Variants in REDIC1 observed in about 807,000 individuals in gnomAD.
REDIC1 encodes the protein regulator of DNA class I crossover intermediates 1.
At chr12:39,886,132 T>C in the REDIC1 span, among the ~76,000 whole-genome samples, 1 of 152,206 alleles carries the variant, frequency 6.6e-6, no homozygotes, top group South Asian at 2.1e-4. Flanking sequence ...AATTTTATTG[T>C]TCCTTTTCCA....
the REDIC1 span, among the ~76,000 whole-genome samples, chr12:39,807,393 C>T: frequency 6.6e-6 from 1 of 152,160 alleles, no homozygotes; most frequent in Non-Finnish European, 1.5e-5. Flanking sequence ...CAATATCAAT[C>T]TCCTGGGTGA....
chr12:39,907,031 A>C, the REDIC1 span, among the ~76,000 whole-genome samples: 1 of 152,170 alleles, frequency 6.6e-6, no homozygotes, highest in African/African-American at 2.4e-5. Flanking sequence ...TAGAAGATAC[A>C]ATGCAAATTA....
At chr12:39,896,384 GTATA>G in the REDIC1 span, among the ~76,000 whole-genome samples, 98 of 119,082 alleles carry the variant, frequency 8.2e-4, 1 homozygote, top group African/African-American at 3.8e-3. Context: ...ATATATGTAT[GTATA>G]TGTGTATATA....
chr12:39,904,129 A>G, the REDIC1 span, among the ~76,000 whole-genome samples: 1 of 152,272 alleles, frequency 6.6e-6, no homozygotes, highest in African/African-American at 2.4e-5. Context: ...CAAGCTTCCA[A>G]GGGTTTCTAC....
chr12:39,667,366 G>C, the REDIC1 span, among the ~76,000 whole-genome samples: 1 of 152,272 alleles, frequency 6.6e-6, no homozygotes, highest in Non-Finnish European at 1.5e-5. Flanking sequence ...TTTCCATGTA[G>C]TTTAGCGGTT....
the REDIC1 span, among the ~76,000 whole-genome samples, chr12:39,643,054 T>G: frequency 6.6e-6 from 1 of 151,788 alleles, no homozygotes; most frequent in East Asian, 1.9e-4. Flanking sequence ...TTCATAGCAT[T>G]ATATTATGAG....
At chr12:39,703,723 A>G in the REDIC1 span, among the ~76,000 whole-genome samples, 6 of 152,212 alleles carry the variant, frequency 3.9e-5, no homozygotes, top group African/African-American at 1.4e-4. Flanking sequence ...TACTGGTACC[A>G]AAAGAGAGAT....
chr12:39,738,633 A>G, the REDIC1 span, among the ~76,000 whole-genome samples: 6 of 152,232 alleles, frequency 3.9e-5, no homozygotes, highest in Non-Finnish European at 7.3e-5. Flanking sequence ...ATATCTTTTT[A>G]CTATCATAAC....
the REDIC1 span, among the ~76,000 whole-genome samples, chr12:39,893,339 G>A: frequency 1.9e-4 from 29 of 152,026 alleles, no homozygotes; most frequent in South Asian, 4.6e-3. Flanking sequence ...TCACTCTGTC[G>A]CCCAGGCTGG....
At chr12:39,844,628 T>G in the REDIC1 span, among the ~76,000 whole-genome samples, 1 of 152,028 alleles carries the variant, frequency 6.6e-6, no homozygotes, top group South Asian at 2.1e-4. Flanking sequence ...TTAGTATCCA[T>G]GAAGATCAAA....
At chr12:39,899,066 C>T in the REDIC1 span, among the ~76,000 whole-genome samples, 1 of 152,002 alleles carries the variant, frequency 6.6e-6, no homozygotes. Flanking sequence ...GTACCAGTTC[C>T]TCCTTGTACC....
At chr12:39,685,086 A>G in the REDIC1 span, among the ~76,000 whole-genome samples, 3 of 152,206 alleles carry the variant, frequency 2.0e-5, no homozygotes, top group African/African-American at 7.2e-5. Flanking sequence ...TGAGGAAATT[A>G]TAGCTTAGAT....
chr12:39,844,373 T>G, the REDIC1 span, among the ~76,000 whole-genome samples: 1 of 152,042 alleles, frequency 6.6e-6, no homozygotes, highest in African/African-American at 2.4e-5. Flanking sequence ...TATTCTTTAA[T>G]TAGAATTGTA....
At chr12:39,704,007 T>G in the REDIC1 span, among the ~76,000 whole-genome samples, 1 of 152,174 alleles carries the variant, frequency 6.6e-6, no homozygotes, top group African/African-American at 2.4e-5. Context: ...ATTCAGGACA[T>G]AGGCATGGGC....
chr12:39,890,855 A>T, the REDIC1 span, among the ~76,000 whole-genome samples: 1 of 152,152 alleles, frequency 6.6e-6, no homozygotes, highest in East Asian at 1.9e-4. Context: ...TTAAAATAAT[A>T]TGAGAAAATA....
At chr12:39,646,483 T>A in the REDIC1 span, 2 of 1,547,474 alleles carry the variant, frequency 1.3e-6, no homozygotes, top group Non-Finnish European at 1.7e-6. Context: ...CTAGGATTTA[T>A]ATTATTAGGT....
the REDIC1 span, among the ~76,000 whole-genome samples, chr12:39,749,847 G>A: frequency 6.6e-6 from 1 of 152,104 alleles, no homozygotes; most frequent in Non-Finnish European, 1.5e-5. Context: ...TGCAGAAAAG[G>A]CCTTTGAGAA....
the REDIC1 span, among the ~76,000 whole-genome samples, chr12:39,862,098 T>C: frequency 1.3e-5 from 2 of 152,210 alleles, no homozygotes; most frequent in African/African-American, 4.8e-5. Flanking sequence ...TATGTTCTCA[T>C]TGTTCTGAAA....
At chr12:39,835,396 C>T in the REDIC1 span, among the ~76,000 whole-genome samples, 2 of 152,042 alleles carry the variant, frequency 1.3e-5, no homozygotes, top group African/African-American at 4.8e-5. Flanking sequence ...CTCTTACATA[C>T]TAATTTCAAG....
Sources: allele counts gnomAD v4.1 joint callset (sites outside exome capture counted in the v4.1 genomes callset), GRCh38; gene constraint gnomAD v4.1.1; transcripts MANE v1.5; gene names NCBI Gene and HGNC (gene_info 2026-07-23, HGNC 2026-07-21).